Variants in SAE1 observed in about 807,000 individuals in gnomAD.
SAE1 encodes the protein SUMO1 activating enzyme subunit 1.
A neutral mutation model predicts 40.6 loss-of-function variants in SAE1; 11 were observed. The ratio of observed to expected loss-of-function variants is 0.27; its 90% CI spans 0.17 to 0.45. The LOEUF (loss-of-function observed/expected upper bound fraction) is 0.45. SAE1 is among the 20% of genes least tolerant of loss of function. The probability of loss-of-function intolerance (pLI) is 1.00; values close to 1 mark genes in which losing one functional copy is unlikely to be tolerated. For missense variants in SAE1, 373 were observed against 427.3 expected, an observed-to-expected ratio of 0.87 and a Z score of 1.12; for synonymous variants, 155 against 154.3, an observed-to-expected ratio of 1.00 and a Z score of -0.03.
intron 6 of SAE1, among the ~76,000 whole-genome samples, chr19:47,186,885 T>C (rs1252961003): frequency 2.0e-5 from 3 of 152,162 alleles, no homozygotes. Context: ...ATGAAAGTAC[T>C]GTGTGGCTGT....
intron 1 of SAE1, among the ~76,000 whole-genome samples, chr19:47,134,785 G>A (rs572045865): frequency 6.6e-6 from 1 of 152,210 alleles, no homozygotes; most frequent in Admixed American, 6.6e-5. Flanking sequence ...AAGAATGGAT[G>A]GGGGCCTCTG....
chr19:47,137,384 G>A (rs2058187086), intron 1 of SAE1, among the ~76,000 whole-genome samples: 2 of 152,090 alleles, frequency 1.3e-5, no homozygotes, highest in Admixed American at 1.3e-4. Context: ...GCGAAACTCT[G>A]TCTCAAAAAT....
intron 6 of SAE1, among the ~76,000 whole-genome samples, chr19:47,193,511 C>CT (rs2058592871): frequency 6.6e-6 from 1 of 150,844 alleles, no homozygotes; most frequent in Non-Finnish European, 1.5e-5. Flanking sequence ...TTTTTCTTTT[C>CT]TTTCCTTTTT....
intron 1 of SAE1, among the ~76,000 whole-genome samples, chr19:47,142,844 T>A: frequency 6.6e-6 from 1 of 152,228 alleles, no homozygotes; most frequent in East Asian, 1.9e-4. Context: ...AATAGCGTTC[T>A]CCATCATTCT....
intron 6 of SAE1, among the ~76,000 whole-genome samples, chr19:47,182,800 A>G (rs373043742): frequency 6.6e-6 from 1 of 152,176 alleles, no homozygotes; most frequent in African/African-American, 2.4e-5. Flanking sequence ...TACTGGTTAC[A>G]GGCGGGGTGT....
intron 6 of SAE1, among the ~76,000 whole-genome samples, chr19:47,191,848 G>A (rs2058580005): frequency 6.6e-6 from 1 of 152,104 alleles, no homozygotes; most frequent in African/African-American, 2.4e-5. Context: ...AAGGTCAGGA[G>A]ATCGAGACCA....
At chr19:47,155,073 C>A in intron 4 of SAE1, 41 bp from the exon 5 acceptor site, 1 of 1,254,248 alleles carries the variant, frequency 8.0e-7, no homozygotes, top group South Asian at 1.2e-5. Context: ...TAACATGATT[C>A]CTAGGGTAAA....
chr19:47,132,921 A>G (rs1022493563), intron 1 of SAE1, among the ~76,000 whole-genome samples: 5 of 150,398 alleles, frequency 3.3e-5, no homozygotes, highest in African/African-American at 9.8e-5. Context: ...AAGCGTGTGT[A>G]TATGTGTCAG....
At chr19:47,168,619 T>G (rs531918829) in intron 5 of SAE1, among the ~76,000 whole-genome samples, 4 of 152,240 alleles carry the variant, frequency 2.6e-5, no homozygotes, top group African/African-American at 7.2e-5. Context: ...TTGTTGTTTT[T>G]GAGACAGAGT....
intron 5 of SAE1, among the ~76,000 whole-genome samples, chr19:47,158,206 A>G (rs1017081353): frequency 5.9e-5 from 9 of 152,164 alleles, no homozygotes; most frequent in African/African-American, 2.2e-4. Context: ...TTTTGCTTCA[A>G]GGTACACTTT....
intron 2 of SAE1, 152 bp downstream of exon 2, chr19:47,143,757 T>C: frequency 1.6e-6 from 1 of 625,672 alleles, no homozygotes; most frequent in Non-Finnish European, 2.9e-6. Flanking sequence ...GAAGGTGCTA[T>C]TGTTGGGTTT....
Position 47,150,184 on chromosome 19 carries a change from T to C in SAE1, c.211-18T>C, listed in dbSNP as rs750949309. On this transcript the variant is annotated intron_variant, in intron 2 of 8. Coordinates refer to ENST00000270225, the MANE Select transcript of SAE1 (RefSeq NM_005500.3). ...CCTAAAAATACAAGACTTAAAAAAATATGTGTATTATTCCTAGGTAACTCC... is the reference window on the plus strand; with the variant it reads ...CCTAAAAATACAAGACTTAAAAAAACATGTGTATTATTCCTAGGTAACTCC... The C allele has an allele frequency of 4.0e-6, 6 of 1,490,204 alleles. No homozygotes were observed. In the Admixed American group the frequency reaches 1.2e-4, roughly 29 times the overall value. 92.3% of individuals were successfully genotyped at this position (1,490,204 alleles called of 1,614,324 possible).
chr19:47,179,283 A>G lies in SAE1; in HGVS notation c.733+9360A>G, dbSNP rs144474252. Among the ~76,000 whole-genome samples, 1,311 of 151,910 alleles carry G rather than the reference A, an allele frequency of 8.6e-3. 13 individuals carry two copies. Among genetic ancestry groups the G allele is most frequent in the Admixed American group, 0.014 (206 of 15,232 alleles). On this transcript the variant is annotated intron_variant, in intron 6 of 8. Transcript: ENST00000270225. ...CACTTTGGGAGGCTGAAGCAGGTGG[A>G]TTGCCTGAGCTCAGAAGTTTGAGAC... is the stretch of plus-strand genomic sequence containing the variant.
intron 6 of SAE1, among the ~76,000 whole-genome samples, chr19:47,193,712 C>T (rs542332589): frequency 6.6e-6 from 1 of 150,868 alleles, no homozygotes; most frequent in Admixed American, 6.6e-5. Flanking sequence ...CTGTAATCCC[C>T]AGTTACTTGG....
chr19:47,186,898 CGACA>C (rs1233503220), intron 6 of SAE1, among the ~76,000 whole-genome samples: 4 of 152,064 alleles, frequency 2.6e-5, no homozygotes, highest in Non-Finnish European at 4.4e-5. Context: ...GTGGCTGTGG[CGACA>C]GACAGAGGCT....
intron 4 of SAE1, among the ~76,000 whole-genome samples, chr19:47,154,083 G>C (rs182694042): frequency 7.0e-6 from 1 of 143,236 alleles, no homozygotes. Context: ...GTGAGCCACC[G>C]CACCCGGCTA....
Position 47,169,835 on chromosome 19 carries a change from T to C in SAE1, c.645T>C (p.Pro215=), listed in dbSNP as rs896306530. The change falls in exon 6 of 9, where the codon CCT becomes CCC. Residue 215 remains proline, a synonymous_variant. Coordinates refer to ENST00000270225, the MANE Select transcript of SAE1 (RefSeq NM_005500.3). ...TMVKKKVVFC[P]VKEALEVDWS... ...TTCCACAGAAGGTGGTCTTCTGCCC[T>C]GTTAAAGAAGCCCTGGAGGTGGACT... The C allele has an allele frequency of 3.7e-6, 6 of 1,613,998 alleles. No homozygotes were observed. The Middle Eastern group carries it at 5.0e-4, about 134-fold the overall frequency.
chr19:47,141,651 AG>A (rs945322880), intron 1 of SAE1, among the ~76,000 whole-genome samples: 7 of 152,060 alleles, frequency 4.6e-5, no homozygotes, highest in African/African-American at 1.7e-4. Context: ...TGAAGGGGAA[AG>A]GCGTAGGTAG....
chr19:47,179,496 C>T (rs2058492705), intron 6 of SAE1, among the ~76,000 whole-genome samples: 2 of 147,840 alleles, frequency 1.4e-5, no homozygotes, highest in African/African-American at 2.5e-5. Flanking sequence ...GACAGAGCAT[C>T]TTAAGAAAAA....
Sources: allele counts gnomAD v4.1 joint callset (sites outside exome capture counted in the v4.1 genomes callset), GRCh38; gene constraint gnomAD v4.1.1; transcripts MANE v1.5; gene names NCBI Gene and HGNC (gene_info 2026-07-23, HGNC 2026-07-21).